NBEA: variants seen among roughly 807,000 people sequenced by gnomAD.
The protein encoded by NBEA is lysosomal-trafficking regulator 2.
In NBEA, 44 loss-of-function variants were observed where a neutral mutation model predicts 343.4. The ratio of observed to expected loss-of-function variants is 0.13; its 90% CI spans 0.10 to 0.16. The LOEUF (loss-of-function observed/expected upper bound fraction) is 0.16. Among genes scored for constraint, NBEA ranks in the 10% least tolerant of loss-of-function variants. The pLI, the probability that NBEA is intolerant of heterozygous loss-of-function variation, is 1.00. For missense variants in NBEA, 2,555 were observed against 3,631.3 expected (o/e 0.70, Z 7.62); for synonymous variants, 1,175 against 1,238.7 (o/e 0.95, Z 1.08).
intron 36 of NBEA, among the ~76,000 whole-genome samples, chr13:35,335,857 G>A (rs73491876): frequency 0.017 from 2,592 of 152,142 alleles, 50 homozygotes; most frequent in African/African-American, 0.042. Context: ...AGTCTAAAAG[G>A]CTATTCGCAT....
chr13:35,129,608 A>G (rs2067304996), intron 17 of NBEA, among the ~76,000 whole-genome samples: 1 of 152,126 alleles, frequency 6.6e-6, no homozygotes, highest in Non-Finnish European at 1.5e-5. Context: ...GATTACAACC[A>G]TGACATTAAG....
rs181227843 is a variant in NBEA at position 35,634,722 on chromosome 13, A to T, written c.7617+6474A>T. Reference sequence around the variant, plus strand: ...TTTATGCTGGAAATATTAAAATATTAAGTAGTTTTTAATATTACCAACAGT... The same window carrying T: ...TTTATGCTGGAAATATTAAAATATTTAGTAGTTTTTAATATTACCAACAGT... On this transcript the variant is annotated intron_variant, in intron 49 of 58. Coordinates refer to ENST00000379939, the MANE Select transcript of NBEA (RefSeq NM_001385012.1). 6.6e-5 allele frequency among the ~76,000 whole-genome samples: 10 copies of T among 152,278 alleles called. No homozygotes were observed. The East Asian group carries it at 1.7e-3, about 26-fold the overall frequency.
chr13:35,649,628 C>G, intron 51 of NBEA, 27 bp from the exon 52 acceptor site: 1 of 1,577,788 alleles, frequency 6.3e-7, no homozygotes, highest in Non-Finnish European at 8.7e-7. Flanking sequence ...TTGTCTTCCT[C>G]TGTTCTCTTC....
At chr13:35,486,580 C>G (rs1417936019) in intron 41 of NBEA, among the ~76,000 whole-genome samples, 1 of 151,950 alleles carries the variant, frequency 6.6e-6, no homozygotes, top group Admixed American at 6.6e-5. Context: ...TTGCATCTTA[C>G]CAGGGTCACA....
intron 35 of NBEA, among the ~76,000 whole-genome samples, chr13:35,304,931 T>A (rs1460114714): frequency 6.6e-6 from 1 of 152,112 alleles, no homozygotes; most frequent in South Asian, 2.1e-4. Flanking sequence ...ATGTTCTTGG[T>A]TTTTCAATTT....
intron 48 of NBEA, among the ~76,000 whole-genome samples, chr13:35,610,175 A>G (rs2082443788): frequency 6.6e-6 from 1 of 152,194 alleles, no homozygotes; most frequent in Admixed American, 6.5e-5. Flanking sequence ...TTACCTGATT[A>G]ATAGACATGG....
chr13:35,144,230 T>C (rs1192714767), intron 18 of NBEA, among the ~76,000 whole-genome samples: 1 of 152,200 alleles, frequency 6.6e-6, no homozygotes, highest in Non-Finnish European at 1.5e-5. Flanking sequence ...TTTTTGGGGC[T>C]GCTACCTTTA....
At position 35,581,899 on chromosome 13, in the gene NBEA, AG is replaced by A. The variant is rs1392171887; in HGVS notation, c.7036-1998del. On this transcript the variant is annotated intron_variant, in intron 45 of 58. Transcript: ENST00000379939. ...AAAGTATAATTAAAAAAAAAAAAAAAGAAAAGAAAAAAAAAGAAAAATATAC... is the reference window on the plus strand; with the variant it reads ...AAAGTATAATTAAAAAAAAAAAAAAAAAAAGAAAAAAAAAGAAAAATATAC... Among the ~76,000 whole-genome samples, 28 of 104,502 alleles carry A rather than the reference AG, an allele frequency of 2.7e-4. No individual in the cohort carries two copies. The East Asian group carries it at 4.1e-3, about 15-fold the overall frequency. 68.6% of individuals were successfully genotyped at this position (104,502 alleles called of 152,430 possible).
intron 40 of NBEA, among the ~76,000 whole-genome samples, chr13:35,457,249 A>AT (rs543045880): frequency 0.026 from 3,852 of 150,820 alleles, 308 homozygotes; most frequent in Admixed American, 0.17. Context: ...TTGTGTTAGC[A>AT]TTTTTTTTTG....
At chr13:35,659,938 T>C (rs1265230620) in intron 55 of NBEA, among the ~76,000 whole-genome samples, 2 of 152,216 alleles carry the variant, frequency 1.3e-5, no homozygotes, top group Admixed American at 1.3e-4. Context: ...AGCAGCCTAC[T>C]GCATGAAAGA....
At chr13:34,959,536 TA>T (rs149495090) in intron 1 of NBEA, among the ~76,000 whole-genome samples, 3 of 151,424 alleles carry the variant, frequency 2.0e-5, no homozygotes, top group Non-Finnish European at 4.4e-5. Flanking sequence ...GGCCTTAGGA[TA>T]AAAAAAAATG....
chr13:35,440,213 A>T (rs1465633538), intron 39 of NBEA, among the ~76,000 whole-genome samples: 1 of 152,152 alleles, frequency 6.6e-6, no homozygotes, highest in Non-Finnish European at 1.5e-5. Context: ...ATACAAACAG[A>T]TTTTAACCAC....
intron 1 of NBEA, among the ~76,000 whole-genome samples, chr13:35,000,526 G>A (rs1259464609): frequency 6.6e-6 from 1 of 151,234 alleles, no homozygotes; most frequent in Admixed American, 6.6e-5. Context: ...ATTTTACATG[G>A]ATTATAAGAG....
At chr13:35,188,249 A>ATT (rs541398659) in intron 30 of NBEA, among the ~76,000 whole-genome samples, 3 of 142,138 alleles carry the variant, frequency 2.1e-5, no homozygotes, top group East Asian at 2.0e-4. Context: ...CTCACGTATC[A>ATT]TTTTTTTTTT....
intron 49 of NBEA, among the ~76,000 whole-genome samples, chr13:35,644,962 A>G (rs1277403857): frequency 6.6e-6 from 1 of 152,264 alleles, no homozygotes; most frequent in Non-Finnish European, 1.5e-5. Context: ...TCTGCAGATA[A>G]AAGAACCAAA....
chr13:35,577,614 A>C (rs1375468064), intron 45 of NBEA, among the ~76,000 whole-genome samples: 1 of 151,916 alleles, frequency 6.6e-6, no homozygotes, highest in African/African-American at 2.4e-5. Flanking sequence ...TTTTGCATAA[A>C]ATTTTTTTCT....
chr13:35,055,151 A>G (rs2063207482), intron 6 of NBEA, among the ~76,000 whole-genome samples: 1 of 152,070 alleles, frequency 6.6e-6, no homozygotes, highest in African/African-American at 2.4e-5. Flanking sequence ...AAACCAGTTA[A>G]TTTTCCCCCC....
At chr13:35,264,455 T>A (rs139712865) in intron 34 of NBEA, among the ~76,000 whole-genome samples, 5 of 152,004 alleles carry the variant, frequency 3.3e-5, no homozygotes, top group African/African-American at 1.2e-4. Flanking sequence ...AAAAGAAAAC[T>A]GTAATACGAT....
chr13:35,010,793 TGGTGC>T (rs1484282835), intron 1 of NBEA, among the ~76,000 whole-genome samples: 1 of 130,420 alleles, frequency 7.7e-6, no homozygotes, highest in Non-Finnish European at 1.6e-5. Context: ...CTGGGTGTGG[TGGTGC>T]ACACCTGTAG....
Sources: allele counts gnomAD v4.1 joint callset (sites outside exome capture counted in the v4.1 genomes callset), GRCh38; gene constraint gnomAD v4.1.1; transcripts MANE v1.5; gene names NCBI Gene and HGNC (gene_info 2026-07-23, HGNC 2026-07-21).